Variants in FNIP1 observed in about 807,000 individuals in gnomAD.
FNIP1 encodes folliculin interacting protein 1, also known as folliculin-interacting protein 1.
FNIP1 carries 40 observed loss-of-function variants against 124.5 expected under a neutral mutation model. The observed-to-expected ratio is 0.32, with a 90% CI of 0.25 to 0.42. FNIP1 has a LOEUF of 0.42. Among genes scored for constraint, FNIP1 ranks in the 10% least tolerant of loss-of-function variants. The pLI is 1.00. For missense variants in FNIP1, 1,176 were observed against 1,403.7 expected (o/e 0.84, Z 2.59); for synonymous variants, 472 against 470.6 (o/e 1.00, Z -0.04).
At chr5:131,700,990 C>T (rs1193687796) in intron 10 of FNIP1, among the ~76,000 whole-genome samples, 5 of 152,228 alleles carry the variant, frequency 3.3e-5, no homozygotes, top group Non-Finnish European at 7.4e-5. Flanking sequence ...CATTTTAGGT[C>T]GGGGTCCCCA....
rs755592563 is a variant in FNIP1, at chr5:131,710,581, C to T, written c.703G>A (p.Ala235Thr). 3 of 1,613,614 alleles carry T rather than the reference C, an allele frequency of 1.9e-6. No individual in the cohort carries two copies. Among genetic ancestry groups the T allele is most frequent in the Admixed American group, 1.7e-5 (1 of 59,830 alleles). The change falls in exon 7 of 18, where the codon GCA becomes ACA. Residue 235 changes from alanine to threonine, a missense_variant. By Grantham distance (58) the Ala-to-Thr change is moderately conservative. Coordinates refer to ENST00000510461, the MANE Select transcript of FNIP1 (RefSeq NM_133372.3). Reference protein sequence around the residue: ...LRLIRSASFFAVHSNPMDMPG... With the variant: ...LRLIRSASFFTVHSNPMDMPG... ...ACCCACACAGCACATCGCAAACCTG[C>T]AAAGAAAGAGGCGCTCCTGATCAGG...
chr5:131,709,454 G>A (rs1007095510), intron 7 of FNIP1, among the ~76,000 whole-genome samples, 182 bp from the exon 8 acceptor site: 1 of 152,064 alleles, frequency 6.6e-6, no homozygotes, highest in Admixed American at 6.5e-5. Flanking sequence ...TGAGAGCTCT[G>A]TGAAGATTTG....
intron 9 of FNIP1, among the ~76,000 whole-genome samples, 192 bp from the exon 10 acceptor site, chr5:131,704,458 A>T (rs1379174439): frequency 1.3e-5 from 2 of 152,170 alleles, no homozygotes; most frequent in Non-Finnish European, 2.9e-5. Flanking sequence ...CTTGTAAGAA[A>T]TTTTACTACA....
chr5:131,780,007 C>A (rs1335629792), intron 1 of FNIP1, among the ~76,000 whole-genome samples: 1 of 151,556 alleles, frequency 6.6e-6, no homozygotes, highest in African/African-American at 2.4e-5. Context: ...TTGAGACCAG[C>A]CTGGGCAACA....
intron 1 of FNIP1, among the ~76,000 whole-genome samples, chr5:131,784,203 T>C (rs567360695): frequency 1.1e-4 from 17 of 152,218 alleles, no homozygotes; most frequent in African/African-American, 3.9e-4. Flanking sequence ...TGTCAGATAA[T>C]TGACTAAGAG....
chr5:131,730,650 T>A (rs1344424993), intron 3 of FNIP1, among the ~76,000 whole-genome samples: 1 of 152,238 alleles, frequency 6.6e-6, no homozygotes, highest in African/African-American at 2.4e-5. Context: ...AAGAAATTAT[T>A]CTGATAACCC....
At chr5:131,663,499 G>A (rs1156547607) in intron 15 of FNIP1, among the ~76,000 whole-genome samples, 1 of 151,972 alleles carries the variant, frequency 6.6e-6, no homozygotes, top group African/African-American at 2.4e-5. Flanking sequence ...TAGGTCTCAT[G>A]ACTCTAATAA....
At position 131,730,818 on chromosome 5, in the gene FNIP1, T is replaced by C. The variant is rs144565322; in HGVS notation, c.354+86A>G. 282 of 1,061,692 alleles carry C rather than the reference T, an allele frequency of 2.7e-4. 1 individual carries two copies. Among genetic ancestry groups the C allele is most frequent in the Non-Finnish European group, 3.4e-4 (253 of 743,356 alleles). The allele number at this position is 1,061,692 out of a possible 1,614,324, so 65.8% of individuals were successfully genotyped here. ...CAAGCTCTAGGAAGATAAGGACTAA[T>C]TGCTATTATATCTCCACAGTCCACT... On this transcript the variant is annotated intron_variant, in intron 3 of 17. Coordinates refer to ENST00000510461, the MANE Select transcript of FNIP1 (RefSeq NM_133372.3).
chr5:131,783,083 C>A (rs1189808154), intron 1 of FNIP1, among the ~76,000 whole-genome samples: 1 of 152,054 alleles, frequency 6.6e-6, no homozygotes, highest in East Asian at 1.9e-4. Flanking sequence ...ACTAGGAAAC[C>A]AAAAAATTTG....
intron 11 of FNIP1, among the ~76,000 whole-genome samples, chr5:131,692,963 G>A (rs1487535371): frequency 6.6e-6 from 1 of 150,688 alleles, no homozygotes; most frequent in African/African-American, 2.4e-5. Context: ...AACCAAAATC[G>A]CACCACTGCA....
At chr5:131,757,572 T>A (rs1355136886) in intron 1 of FNIP1, among the ~76,000 whole-genome samples, 1 of 149,626 alleles carries the variant, frequency 6.7e-6, no homozygotes, top group Non-Finnish European at 1.5e-5. Flanking sequence ...AGTTGGGTAG[T>A]GTGTGGCAAA....
At chr5:131,659,971 C>T (rs1238555528) in intron 15 of FNIP1, among the ~76,000 whole-genome samples, 3 of 152,178 alleles carry the variant, frequency 2.0e-5, no homozygotes, top group African/African-American at 4.8e-5. Context: ...GAAGTCCTTC[C>T]GACCCATGCC....
At chr5:131,796,773 G>A (rs1472645464) in intron 1 of FNIP1, 57 bp downstream of exon 1, 2 of 1,500,162 alleles carry the variant, frequency 1.3e-6, no homozygotes, top group Non-Finnish European at 1.8e-6. Flanking sequence ...CAACACCCCT[G>A]GAGCCCGGAG....
chr5:131,694,702 A>T (rs140025106), intron 11 of FNIP1, among the ~76,000 whole-genome samples: 1 of 152,218 alleles, frequency 6.6e-6, no homozygotes, highest in Admixed American at 6.5e-5. Context: ...TAAAAACCAT[A>T]TAACTATACA....
intron 3 of FNIP1, 43 bp from the exon 4 acceptor site, chr5:131,719,460 C>T (rs1266799628): frequency 6.6e-7 from 1 of 1,510,324 alleles, no homozygotes; most frequent in Non-Finnish European, 9.0e-7. Context: ...TAATTAAAAG[C>T]TTATGACTAT....
At chr5:131,769,884 T>C (rs1771570382) in intron 1 of FNIP1, among the ~76,000 whole-genome samples, 1 of 152,200 alleles carries the variant, frequency 6.6e-6, no homozygotes, top group African/African-American at 2.4e-5. Flanking sequence ...AGTATTCTGT[T>C]CAACTAAGTG....
At chr5:131,673,244 C>T (rs1401419699) in intron 13 of FNIP1, among the ~76,000 whole-genome samples, 1 of 148,436 alleles carries the variant, frequency 6.7e-6, no homozygotes, top group African/African-American at 2.5e-5. Flanking sequence ...TTTGTAGAGA[C>T]AGAGTTTTGC....
At chr5:131,651,540 G>A (rs1049401861) in intron 16 of FNIP1, among the ~76,000 whole-genome samples, 1 of 152,138 alleles carries the variant, frequency 6.6e-6, no homozygotes, top group African/African-American at 2.4e-5. Context: ...TCACATGGTG[G>A]AGACAGAACA....
intron 1 of FNIP1, among the ~76,000 whole-genome samples, chr5:131,757,977 G>C (rs1375904393): frequency 1.3e-5 from 2 of 152,294 alleles, no homozygotes; most frequent in East Asian, 3.9e-4. Context: ...CTTCTGCAGA[G>C]TATGTCCCTG....
Sources: gnomAD v4.1 joint callset for allele counts (sites outside exome capture counted in the v4.1 genomes callset) on GRCh38, gnomAD v4.1.1 for gene constraint, MANE v1.5 for transcripts, NCBI Gene and HGNC (gene_info 2026-07-23, HGNC 2026-07-21) for gene names.